Variants in CHM observed in about 807,000 individuals in gnomAD.
CHM encodes the protein rab proteins geranylgeranyltransferase component A 1.
Under a neutral mutation model 49.0 loss-of-function variants are expected in CHM, and 10 were observed. The observed-to-expected ratio is 0.20, with a 90% CI of 0.13 to 0.35. The LOEUF (loss-of-function observed/expected upper bound fraction) is 0.35, where lower values mean the gene tolerates loss of function less well. Among genes scored for constraint, CHM ranks in the 10% least tolerant of loss-of-function variants. The pLI is 1.00. For missense variants in CHM, 455 were observed against 478.4 expected (o/e 0.95, Z 0.46); for synonymous variants, 184 against 167.5 (o/e 1.10, Z -0.76).
chrX:86,008,160 G>T (rs1932906232), intron 2 of CHM, among the ~76,000 whole-genome samples: 2 of 111,749 alleles, frequency 1.8e-5, no homozygotes, highest in Non-Finnish European at 3.8e-5. Context: ...CACAAGGACA[G>T]AAAACCAAAC....
chrX:86,012,012 A>T (rs1202133052), intron 2 of CHM, among the ~76,000 whole-genome samples: 1 of 112,325 alleles, frequency 8.9e-6, no homozygotes, highest in East Asian at 2.8e-4. Context: ...TAAAAGAATA[A>T]GTCTGTATTG....
intron 8 of CHM, among the ~76,000 whole-genome samples, chrX:85,923,037 T>A (rs1266330844): frequency 9.0e-6 from 1 of 111,611 alleles, no homozygotes; most frequent in Non-Finnish European, 1.9e-5. Flanking sequence ...AAGTCAAGTG[T>A]ATAACTTTAG....
chrX:85,996,180 C>T (rs1223461270), intron 2 of CHM, among the ~76,000 whole-genome samples: 1 of 111,620 alleles, frequency 9.0e-6, no homozygotes, highest in Non-Finnish European at 1.9e-5. Flanking sequence ...CCAAACAAGC[C>T]ACTAAAAAGA....
intron 2 of CHM, among the ~76,000 whole-genome samples, chrX:86,007,970 T>C (rs112191277): frequency 2.7e-5 from 3 of 112,089 alleles, no homozygotes; most frequent in East Asian, 2.8e-4. Flanking sequence ...ATGTTTATTG[T>C]GGCACTATTC....
In CHM at chrX:85,901,120, T is replaced by C. The variant is rs1175850994; in HGVS notation, c.1313A>G (p.Tyr438Cys). 8.3e-7 allele frequency: 1 copy of C among 1,205,255 alleles called. No individual in the cohort carries two copies. Among genetic ancestry groups the C allele is most frequent in the Admixed American group, 2.2e-5 (1 of 45,589 alleles). The change falls in exon 10 of 15, where the codon TAC (tyrosine) becomes TGC (cysteine). Residue 438 changes from tyrosine to cysteine, a missense_variant. Physicochemically the swap from Tyr to Cys is radical, Grantham distance 194. Coordinates refer to ENST00000357749, the MANE Select transcript of CHM (RefSeq NM_000390.4). ...ISEHFLVEDS[Y>C]FPENMCSRVQ... is the part of the protein sequence containing the mutation. ...ACGTGAGCACATGTTCTCAGGAAAG[T>C]AACTGTCCTCCACGAGGAAATGCTC...
At chrX:85,994,551 A>G (rs1032517114) in intron 2 of CHM, among the ~76,000 whole-genome samples, 3 of 111,942 alleles carry the variant, frequency 2.7e-5, no homozygotes, top group Non-Finnish European at 5.6e-5. Flanking sequence ...ATGGTTCCTT[A>G]AATTTAACCC....
chrX:86,028,853 A>G (rs1166458152), intron 1 of CHM, among the ~76,000 whole-genome samples: 2 of 110,176 alleles, frequency 1.8e-5, no homozygotes, highest in Non-Finnish European at 3.8e-5. Context: ...TACTTAGTGG[A>G]AAAAAAAACA....
At chrX:85,989,014 G>T (rs1428533613) in intron 2 of CHM, among the ~76,000 whole-genome samples, 1 of 111,726 alleles carries the variant, frequency 9.0e-6, no homozygotes, top group Non-Finnish European at 1.9e-5. Flanking sequence ...AAATTTATAT[G>T]TAACCAAAAA....
Position 86,021,126 on chromosome X carries a change from GTATATATATATATATATA to G in CHM, c.116+6347_116+6364del, listed in dbSNP as rs3078128. The stretch of plus-strand genomic sequence containing the variant: ...TATACGTATATATATGTGTATATAC[GTATATATATATATATATA>G]TATATATATATATACACGTATATAT... On this transcript the variant is annotated intron_variant, in intron 2 of 14. Transcript: ENST00000357749. Among the ~76,000 whole-genome samples, 462 of 55,954 alleles carry G rather than the reference GTATATATATATATATATA, an allele frequency of 8.3e-3. 4 individuals carry two copies. The highest frequency in any genetic ancestry group is 0.045 in the Middle Eastern group (3 of 67). 48.6% of individuals were successfully genotyped at this position (55,954 alleles called of 115,157 possible).
At chrX:85,932,392 T>C (rs1289307563) in intron 8 of CHM, among the ~76,000 whole-genome samples, 3 of 112,217 alleles carry the variant, frequency 2.7e-5, no homozygotes, top group Admixed American at 9.4e-5. Flanking sequence ...TTCCAAAGTT[T>C]ACATGTCCAA....
At chrX:85,957,036 T>A (rs1479766039) in intron 7 of CHM, among the ~76,000 whole-genome samples, 1 of 111,451 alleles carries the variant, frequency 9.0e-6, no homozygotes, top group Non-Finnish European at 1.9e-5. Flanking sequence ...ATTATGAAAA[T>A]TTACTGAGAG....
At chrX:85,962,392 C>T (rs932847948) in intron 5 of CHM, among the ~76,000 whole-genome samples, 1 of 112,033 alleles carries the variant, frequency 8.9e-6, no homozygotes, top group Admixed American at 9.4e-5. Flanking sequence ...CAATAGCCAA[C>T]TATGCAAAAT....
intron 5 of CHM, among the ~76,000 whole-genome samples, chrX:85,960,518 G>A (rs984689953): frequency 1.8e-5 from 2 of 110,119 alleles, no homozygotes; most frequent in Non-Finnish European, 3.8e-5. Context: ...CTGTCTCCTA[G>A]GTTCAAGCGA....
In CHM at chrX:85,879,126, C is replaced by T. The variant is rs768334875; in HGVS notation, c.1511-63G>A. 2.0e-4 allele frequency: 162 copies of T among 794,073 alleles called. 1 individual carries two copies. The South Asian group carries it at 3.4e-3, about 17-fold the overall frequency. The allele number at this position is 794,073 out of a possible 1,213,427, so 65.4% of individuals were successfully genotyped here. ...AAATCTATTTTACTTATACTTAAGGCATTAAGCTGGTATTATGGATAATAG... is the reference window on the plus strand; with the variant it reads ...AAATCTATTTTACTTATACTTAAGGTATTAAGCTGGTATTATGGATAATAG... On this transcript the variant is annotated intron_variant, in intron 12 of 14. Coordinates refer to ENST00000357749, the MANE Select transcript of CHM (RefSeq NM_000390.4).
intron 1 of CHM, among the ~76,000 whole-genome samples, chrX:86,030,676 T>A (rs1357352897): frequency 6.3e-5 from 7 of 110,618 alleles, no homozygotes; most frequent in Non-Finnish European, 1.9e-5. Context: ...AAAGAAACAC[T>A]CCCTCTGTAG....
chrX:85,892,698 A>T (rs752495611), intron 12 of CHM, among the ~76,000 whole-genome samples: 1 of 111,404 alleles, frequency 9.0e-6, no homozygotes, highest in South Asian at 3.8e-4. Context: ...TCCAAAGGAA[A>T]TTTAGGATTA....
intron 2 of CHM, among the ~76,000 whole-genome samples, chrX:85,993,203 C>G (rs1185238826): frequency 9.0e-6 from 1 of 111,399 alleles, no homozygotes; most frequent in Non-Finnish European, 1.9e-5. Context: ...CCCAGATGTA[C>G]TTTAATCTCT....
intron 2 of CHM, among the ~76,000 whole-genome samples, chrX:85,997,175 T>C (rs998648898): frequency 2.7e-5 from 3 of 111,837 alleles, no homozygotes; most frequent in Non-Finnish European, 5.6e-5. Flanking sequence ...GATTATTGCA[T>C]TGCGGCCACT....
rs146765394 is a variant in CHM at position 85,947,830 on chromosome X, C to T, written c.1166+8323G>A. On this transcript the variant is annotated intron_variant, in intron 8 of 14. Transcript: ENST00000357749. ...CAGGAAAATTTCATCTGAGGTTCAACAATTGGTAAAAACGTGTTTGGTGGT... is the reference window on the plus strand; with the variant it reads ...CAGGAAAATTTCATCTGAGGTTCAATAATTGGTAAAAACGTGTTTGGTGGT... 5.4e-4 allele frequency among the ~76,000 whole-genome samples: 61 copies of T among 112,277 alleles called. No individual in the cohort carries two copies. The Middle Eastern group carries it at 0.014, about 25-fold the overall frequency.
Sources: gnomAD v4.1 joint callset for allele counts (sites outside exome capture counted in the v4.1 genomes callset) on GRCh38, gnomAD v4.1.1 for gene constraint, MANE v1.5 for transcripts, NCBI Gene and HGNC (gene_info 2026-07-23, HGNC 2026-07-21) for gene names.